Variants in PPP2R5E observed in about 807,000 individuals in gnomAD.
The protein encoded by PPP2R5E is serine/threonine-protein phosphatase 2A 56 kDa regulatory subunit epsilon isoform.
Under a neutral mutation model 65.3 loss-of-function variants are expected in PPP2R5E, and 4 were observed. That is an observed-to-expected ratio of 0.06 (90% CI 0.03 to 0.14). PPP2R5E has a LOEUF of 0.14. Ranked by LOEUF, PPP2R5E falls within the 10% of genes least tolerant of loss-of-function variation. The probability of loss-of-function intolerance (pLI) is 1.00; values close to 1 mark genes in which losing one functional copy is unlikely to be tolerated. For synonymous variants in PPP2R5E, 183 were observed against 187.4 expected, an observed-to-expected ratio of 0.98 and a Z score of 0.19; for missense variants, 274 against 556.1, an observed-to-expected ratio of 0.49 and a Z score of 5.10.
At chr14:63,465,209 A>G (rs1889723020) in intron 2 of PPP2R5E, among the ~76,000 whole-genome samples, 1 of 152,152 alleles carries the variant, frequency 6.6e-6, no homozygotes, top group Admixed American at 6.5e-5. Flanking sequence ...CTATTTCATA[A>G]CTTATTAAAA....
chr14:63,526,981 C>T (rs1893211196), intron 2 of PPP2R5E, among the ~76,000 whole-genome samples: 1 of 152,166 alleles, frequency 6.6e-6, no homozygotes, highest in South Asian at 2.1e-4. Flanking sequence ...ACCAGCCTGA[C>T]CAACACAGTG....
At position 63,467,471 on chromosome 14, in the gene PPP2R5E, C is replaced by G. The variant is rs546499478; in HGVS notation, c.158-13586G>C. On this transcript the variant is annotated intron_variant, in intron 2 of 13. Transcript: ENST00000337537. ...CCATGGGGTAGTACAAACATTTTCT[C>G]TTCAGATTGTACTGAAAATGACTTT... Among the ~76,000 whole-genome samples the G allele has an allele frequency of 2.6e-5, 4 of 152,202 alleles. No homozygotes were observed. The South Asian group carries it at 8.3e-4, about 32-fold the overall frequency.
At chr14:63,476,668 C>T (rs1454749218) in intron 2 of PPP2R5E, among the ~76,000 whole-genome samples, 3 of 152,134 alleles carry the variant, frequency 2.0e-5, no homozygotes, top group East Asian at 1.9e-4. Flanking sequence ...CAATGCCCTA[C>T]TATATGGATG....
chr14:63,484,334 TTCTC>T (rs1322678985), intron 2 of PPP2R5E, among the ~76,000 whole-genome samples: 38 of 125,324 alleles, frequency 3.0e-4, no homozygotes, highest in African/African-American at 1.0e-3. Context: ...TTCTTTCTCT[TTCTC>T]TCTCTCTCTC....
chr14:63,524,115 T>A (rs536953510), intron 2 of PPP2R5E, among the ~76,000 whole-genome samples: 1 of 152,362 alleles, frequency 6.6e-6, no homozygotes, highest in East Asian at 1.9e-4. Context: ...CAAGTCTCAA[T>A]TTGCTACATG....
chr14:63,512,120 G>A (rs965425834), intron 2 of PPP2R5E, among the ~76,000 whole-genome samples: 21 of 134,714 alleles, frequency 1.6e-4, no homozygotes, highest in Middle Eastern at 4.0e-3. Flanking sequence ...TCAGAACACT[G>A]AAAATAAAAG....
chr14:63,486,368 G>A lies in PPP2R5E; in HGVS notation c.158-32483C>T, dbSNP rs903952210. Among the ~76,000 whole-genome samples the A allele has an allele frequency of 2.4e-4, 35 of 148,360 alleles. 1 individual carries two copies. The highest frequency in any genetic ancestry group is 4.6e-4 in the Non-Finnish European group (31 of 67,530). The stretch of plus-strand genomic sequence containing the variant: ...CTACCAGGGAGCAATTTTTCTTCAT[G>A]ATGCTCACAAGTAGAAACATTTGCA... On this transcript the variant is annotated intron_variant, in intron 2 of 13. Coordinates refer to ENST00000337537, the MANE Select transcript of PPP2R5E (RefSeq NM_006246.5).
chr14:63,475,539 C>T (rs138750777), intron 2 of PPP2R5E, among the ~76,000 whole-genome samples: 140 of 152,224 alleles, frequency 9.2e-4, no homozygotes, highest in Middle Eastern at 6.8e-3. Context: ...GGATGGATAT[C>T]CAGATGTTCA....
intron 2 of PPP2R5E, among the ~76,000 whole-genome samples, chr14:63,488,709 C>T (rs937014422): frequency 3.3e-5 from 5 of 151,322 alleles, no homozygotes; most frequent in East Asian, 3.9e-4. Flanking sequence ...ATTAGCCTGG[C>T]GTGGTGGCGC....
chr14:63,381,243 C>A (rs1884337364), intron 13 of PPP2R5E, among the ~76,000 whole-genome samples: 1 of 152,186 alleles, frequency 6.6e-6, no homozygotes, highest in South Asian at 2.1e-4. Context: ...CTGGTTAATA[C>A]CAGACTATTA....
chr14:63,463,496 CA>C (rs909615604), intron 2 of PPP2R5E, among the ~76,000 whole-genome samples: 10 of 148,572 alleles, frequency 6.7e-5, no homozygotes, highest in African/African-American at 9.9e-5. Context: ...AGAACCTAAC[CA>C]AAAAAAAATG....
At chr14:63,395,522 G>A (rs1258741202) in intron 6 of PPP2R5E, among the ~76,000 whole-genome samples, 5 of 31,230 alleles carry the variant, frequency 1.6e-4, no homozygotes, top group Non-Finnish European at 3.4e-4. Flanking sequence ...GGAGGGAAGA[G>A]AGGAGGAGGA....
At chr14:63,438,607 T>C (rs1450142322) in intron 3 of PPP2R5E, among the ~76,000 whole-genome samples, 1 of 152,186 alleles carries the variant, frequency 6.6e-6, no homozygotes, top group East Asian at 1.9e-4. Context: ...TGAGATATTA[T>C]TGGATATATC....
chr14:63,507,729 G>A (rs996422890), intron 2 of PPP2R5E, among the ~76,000 whole-genome samples: 2 of 151,336 alleles, frequency 1.3e-5, no homozygotes, highest in Admixed American at 6.6e-5. Context: ...ACAGGCGCCC[G>A]CCACCACTCG....
At chr14:63,478,484 C>T (rs1890518432) in intron 2 of PPP2R5E, among the ~76,000 whole-genome samples, 1 of 152,102 alleles carries the variant, frequency 6.6e-6, no homozygotes, top group Non-Finnish European at 1.5e-5. Context: ...CACTTTTATA[C>T]ATCTCTTTAA....
chr14:63,462,829 A>G (rs915554363), intron 2 of PPP2R5E, among the ~76,000 whole-genome samples: 5 of 152,038 alleles, frequency 3.3e-5, no homozygotes, highest in Admixed American at 1.3e-4. Flanking sequence ...ATGGCTGGGC[A>G]CAGTGGCTCA....
intron 2 of PPP2R5E, among the ~76,000 whole-genome samples, chr14:63,473,709 T>G (rs778949913): frequency 9.9e-5 from 15 of 152,172 alleles, no homozygotes; most frequent in Non-Finnish European, 1.8e-4. Context: ...TGGATTTTAT[T>G]AAATGAAGAA....
chr14:63,436,656 T>A (rs1438815091), intron 3 of PPP2R5E, among the ~76,000 whole-genome samples: 3 of 152,226 alleles, frequency 2.0e-5, no homozygotes, highest in Non-Finnish European at 4.4e-5. Context: ...TTAAGTGTGA[T>A]ATGCCACTCC....
intron 4 of PPP2R5E, among the ~76,000 whole-genome samples, chr14:63,420,668 T>C (rs1277997882): frequency 6.6e-6 from 1 of 151,986 alleles, no homozygotes; most frequent in East Asian, 1.9e-4. Flanking sequence ...GACTTGCAAA[T>C]TTGTGTCAGA....
Sources: gnomAD v4.1 joint callset for allele counts (sites outside exome capture counted in the v4.1 genomes callset) on GRCh38, gnomAD v4.1.1 for gene constraint, MANE v1.5 for transcripts, NCBI Gene and HGNC (gene_info 2026-07-23, HGNC 2026-07-21) for gene names.